SIM2: variants seen among roughly 807,000 people sequenced by gnomAD.
The protein encoded by SIM2 is single-minded homolog 2.
SIM2 carries 28 observed loss-of-function variants against 64.8 expected under a neutral mutation model. The ratio of observed to expected loss-of-function variants is 0.43; its 90% CI spans 0.32 to 0.59. SIM2 has a LOEUF of 0.59. SIM2 is among the 20% of genes least tolerant of loss of function. SIM2 has a pLI of 0.07. For missense variants in SIM2, 847 were observed against 871.4 expected (o/e 0.97, Z 0.35); for synonymous variants, 408 against 391.1 (o/e 1.04, Z -0.51).
At chr21:36,721,972 G>T (rs1439309232) in intron 4 of SIM2, among the ~76,000 whole-genome samples, 3 of 152,186 alleles carry the variant, frequency 2.0e-5, no homozygotes, top group Admixed American at 1.3e-4. Context: ...CGGCCGAGGG[G>T]TGCAGGGGTT....
chr21:36,700,023 G>A, intron 1 of SIM2, 102 bp downstream of exon 1: 1 of 1,249,874 alleles, frequency 8.0e-7, no homozygotes, highest in East Asian at 2.6e-5. Context: ...CCGCGGCCTG[G>A]CGTCCAGAGC....
At position 36,709,389 on chromosome 21, in the gene SIM2, C is replaced by T. The variant is rs1341873706; in HGVS notation, c.258+139C>T. ...CCGGGGGCTGGGGATGGGGTGGTCC[C>T]CACTGCGGAGGGATGGACGCTTAGC... On this transcript the variant is annotated intron_variant, in intron 2 of 10. Transcript: ENST00000290399. The T allele has an allele frequency of 7.9e-6, 6 of 757,138 alleles. No individual in the cohort carries two copies. In the East Asian group the frequency reaches 1.6e-4, roughly 20 times the overall value. The allele number at this position is 757,138 out of a possible 1,614,324, so 46.9% of individuals were successfully genotyped here.
chr21:36,709,301 C>A (rs768522252), intron 2 of SIM2, 51 bp downstream of exon 2: 1 of 1,399,592 alleles, frequency 7.1e-7, no homozygotes, highest in East Asian at 2.4e-5. Context: ...GCTCCCTTCC[C>A]ACCCCGCCAC....
rs2089208629 is a variant in SIM2 at position 36,744,844 on chromosome 21, T to A, written c.1284T>A (p.Ser428Arg). Residue 428 changes from serine (S) to arginine (R), a missense_variant, in exon 10 of 11, where the codon AGT becomes AGA. Physicochemically the swap from Ser to Arg is moderately radical, Grantham distance 110. Transcript: ENST00000290399. ...AACTGCAGCCCCACTCAGAAAGCAG[T>A]GACCTTCTGTACACGCCATCCTACA... is the stretch of plus-strand genomic sequence containing the variant. ...PPELQPHSES[S>R]DLLYTPSYSL... The A allele has an allele frequency of 6.2e-7, 1 of 1,614,250 alleles. No homozygotes were observed. The highest frequency in any genetic ancestry group is 2.2e-5 in the East Asian group (1 of 44,882).
At chr21:36,704,949 G>A (rs1194418700) in intron 1 of SIM2, among the ~76,000 whole-genome samples, 2 of 152,236 alleles carry the variant, frequency 1.3e-5, no homozygotes, top group African/African-American at 4.8e-5. Flanking sequence ...GGATTGAAGC[G>A]TGCAGAGGCG....
intron 7 of SIM2, among the ~76,000 whole-genome samples, chr21:36,738,953 C>T (rs145824071): frequency 6.6e-6 from 1 of 152,362 alleles, no homozygotes; most frequent in Admixed American, 6.5e-5. Context: ...TTACGCAACA[C>T]TGCCTCATGT....
chr21:36,702,057 G>A (rs929342984), intron 1 of SIM2, among the ~76,000 whole-genome samples: 1 of 152,222 alleles, frequency 6.6e-6, no homozygotes, highest in Non-Finnish European at 1.5e-5. Context: ...GGATTTCCCG[G>A]AGAGCCTGTT....
intron 1 of SIM2, among the ~76,000 whole-genome samples, chr21:36,701,040 CT>C (rs1325257468): frequency 1.3e-5 from 2 of 152,230 alleles, no homozygotes; most frequent in Non-Finnish European, 2.9e-5. Context: ...CGGGCCGCGT[CT>C]TCCAGAGCCT....
chr21:36,707,490 G>C (rs2088601520), intron 1 of SIM2, among the ~76,000 whole-genome samples: 1 of 152,114 alleles, frequency 6.6e-6, no homozygotes, highest in Non-Finnish European at 1.5e-5. Flanking sequence ...TCGTGTATGT[G>C]GAAATTAGCC....
At position 36,699,804 on chromosome 21, in the gene SIM2, T is replaced by G; in HGVS notation, c.58T>G (p.Phe20Val). The G allele has an allele frequency of 6.2e-7, 1 of 1,611,886 alleles. No homozygotes were observed. The highest frequency in any genetic ancestry group is 8.5e-7 in the Non-Finnish European group (1 of 1,179,128). Residue 20 changes from phenylalanine to valine, a missense_variant, in exon 1 of 11, where the codon TTT (phenylalanine) becomes GTT (valine). Phe to Val is a conservative substitution (Grantham distance 50, BLOSUM62 -1). Coordinates refer to ENST00000290399, the MANE Select transcript of SIM2 (RefSeq NM_005069.6). This position sits in a 1 kb window ranked among gnomAD's most constrained non-coding sequence, Gnocchi z 5.6. ...KTRREKENGEFYELAKLLPLP... is the reference protein window; with the variant it reads ...KTRREKENGEVYELAKLLPLP... Reference sequence around the variant, plus strand: ...CAGGAGGGAGAAGGAAAATGGCGAGTTTTACGAGCTTGCCAAGCTGCTCCC... The same window carrying G: ...CAGGAGGGAGAAGGAAAATGGCGAGGTTTACGAGCTTGCCAAGCTGCTCCC...
At chr21:36,734,037 G>A (rs2089011380) in intron 7 of SIM2, among the ~76,000 whole-genome samples, 1 of 152,078 alleles carries the variant, frequency 6.6e-6, no homozygotes, top group African/African-American at 2.4e-5. Context: ...TGATCAGGGT[G>A]AGACTCAGGG....
intron 6 of SIM2, among the ~76,000 whole-genome samples, chr21:36,727,256 A>C (rs1049348376): frequency 6.6e-6 from 1 of 151,898 alleles, no homozygotes; most frequent in East Asian, 1.9e-4. Flanking sequence ...GCTGGTCTTG[A>C]ACTCCTGACC....
At chr21:36,714,313 C>A (rs1309801073) in intron 3 of SIM2, among the ~76,000 whole-genome samples, 1 of 152,044 alleles carries the variant, frequency 6.6e-6, no homozygotes, top group Non-Finnish European at 1.5e-5. Context: ...GATGACTGAT[C>A]AAAAATCTTT....
chr21:36,745,327 G>A lies in SIM2; in HGVS notation c.1576+191G>A, dbSNP rs2089216856. 7.6e-6 allele frequency: 11 copies of A among 1,442,820 alleles called. No homozygotes were observed. The highest frequency in any genetic ancestry group is 9.1e-6 in the Non-Finnish European group (10 of 1,093,656). The allele number at this position is 1,442,820 out of a possible 1,614,324, so 89.4% of individuals were successfully genotyped here. On this transcript the variant is annotated intron_variant, in intron 10 of 10. Transcript: ENST00000290399. This position sits in a 1 kb window ranked among gnomAD's most constrained non-coding sequence, Gnocchi z 4.8. Reference sequence around the variant, plus strand: ...CAGGTGCTCCTCGAGAGTGAGAAATGGCAGTCTGCCTGCCTCGGGGACACT... The same window carrying A: ...CAGGTGCTCCTCGAGAGTGAGAAATAGCAGTCTGCCTGCCTCGGGGACACT...
intron 1 of SIM2, among the ~76,000 whole-genome samples, chr21:36,703,916 A>C (rs79108538): frequency 0.039 from 5,930 of 152,354 alleles, 109 homozygotes; most frequent in African/African-American, 0.054. Flanking sequence ...GGCCTCCAGC[A>C]CCAGACTCAG....
chr21:36,729,939 A>G (rs1474824461), intron 6 of SIM2, among the ~76,000 whole-genome samples: 2 of 152,208 alleles, frequency 1.3e-5, no homozygotes, highest in Non-Finnish European at 2.9e-5. Flanking sequence ...GCTCGATGAG[A>G]ACACAAAGGG....
intron 1 of SIM2, among the ~76,000 whole-genome samples, chr21:36,704,718 G>A (rs112271721): frequency 0.014 from 2,164 of 152,346 alleles, 15 homozygotes; most frequent in Non-Finnish European, 0.024. Flanking sequence ...GGGGGCACCG[G>A]GCCTTCTGTC....
Position 36,748,248 on chromosome 21 carries a change from C to A in SIM2, c.*156C>A, listed in dbSNP as rs9983571. Reference sequence around the variant, plus strand: ...CTTGCGGATTTCCACCGCGGAGGCCCCGCGCGCCGGTGCCGAGGGCCGAGG... The same window carrying A: ...CTTGCGGATTTCCACCGCGGAGGCCACGCGCGCCGGTGCCGAGGGCCGAGG... On this transcript the variant is annotated 3_prime_UTR_variant, in exon 11 of 11. Coordinates refer to ENST00000290399, the MANE Select transcript of SIM2 (RefSeq NM_005069.6). 6.5e-4 allele frequency: 234 copies of A among 361,262 alleles called. No individual in the cohort carries two copies. Among genetic ancestry groups the A allele is most frequent in the African/African-American group, 4.7e-3 (215 of 45,744 alleles). The allele number at this position is 361,262 out of a possible 1,614,324, so 22.4% of individuals were successfully genotyped here. A position where few individuals can be genotyped will look rare whatever the true frequency, so the allele number is the denominator to read the frequency against.
At chr21:36,731,250 T>C in intron 7 of SIM2, 99 bp downstream of exon 7, 1 of 771,722 alleles carries the variant, frequency 1.3e-6, no homozygotes, top group Admixed American at 2.3e-5. Flanking sequence ...GGTGCAATAA[T>C]CATCCATGAT....
Sources: gnomAD v4.1 joint callset for allele counts (sites outside exome capture counted in the v4.1 genomes callset) on GRCh38, gnomAD v4.1.1 for gene constraint, Gnocchi (gnomAD v3.1) non-coding constraint, MANE v1.5 for transcripts, NCBI Gene and HGNC (gene_info 2026-07-23, HGNC 2026-07-21) for gene names.